Variants in DAB1 observed in about 807,000 individuals in gnomAD.
DAB1 encodes DAB adaptor protein 1, also known as disabled homolog 1.
DAB1 carries 15 observed loss-of-function variants against 64.6 expected under a neutral mutation model. That is an observed-to-expected ratio of 0.23 (90% CI 0.16 to 0.36). The LOEUF (loss-of-function observed/expected upper bound fraction) is 0.36. Among genes scored for constraint, DAB1 ranks in the 10% least tolerant of loss-of-function variants. The probability of loss-of-function intolerance (pLI) is 1.00; values close to 1 mark genes in which losing one functional copy is unlikely to be tolerated. For synonymous variants in DAB1, 235 were observed against 251.9 expected, an observed-to-expected ratio of 0.93 and a Z score of 0.64; for missense variants, 596 against 706.7, an observed-to-expected ratio of 0.84 and a Z score of 1.78.
chr1:58,074,564 G>GTGTGTGTGTATATATATATATATATATA (rs1332531604), intron 5 of DAB1: 4 of 91,632 alleles, frequency 4.4e-5, no homozygotes, highest in South Asian at 3.5e-4. Context: ...ATATATGTGT[G>GTGTGTGTGTATATATATATATATATATA]TATATATATA....
chr1:58,257,979 G>A (rs1461590097), intron 4 of DAB1, among the ~76,000 whole-genome samples: 1 of 152,218 alleles, frequency 6.6e-6, no homozygotes, highest in African/African-American at 2.4e-5. Context: ...CAGGGAAGAT[G>A]AAGACTTGCT....
intron 4 of DAB1, among the ~76,000 whole-genome samples, chr1:58,323,722 G>C (rs1034319899): frequency 6.6e-6 from 1 of 151,976 alleles, no homozygotes; most frequent in Non-Finnish European, 1.5e-5. Flanking sequence ...TCAGGAGATC[G>C]AGACCATCCT....
intron 7 of DAB1, among the ~76,000 whole-genome samples, chr1:57,503,408 A>C (rs903835549): frequency 1.3e-4 from 20 of 152,154 alleles, no homozygotes; most frequent in African/African-American, 4.8e-4. Flanking sequence ...TTGGGACCCT[A>C]AAAATCTCCC....
intron 2 of DAB1, among the ~76,000 whole-genome samples, chr1:57,236,432 C>G (rs1196493318): frequency 2.0e-5 from 3 of 152,028 alleles, no homozygotes; most frequent in Non-Finnish European, 4.4e-5. Context: ...CAACTTGTAG[C>G]AGACATTTAA....
At chr1:58,114,195 G>A (rs2100656747) in intron 5 of DAB1, among the ~76,000 whole-genome samples, 1 of 152,264 alleles carries the variant, frequency 6.6e-6, no homozygotes, top group East Asian at 1.9e-4. Context: ...GGAGGTGGTG[G>A]AGGTTGCAGT....
intron 7 of DAB1, among the ~76,000 whole-genome samples, chr1:57,605,399 T>C (rs1291308070): frequency 6.6e-6 from 1 of 152,132 alleles, no homozygotes; most frequent in African/African-American, 2.4e-5. Flanking sequence ...TTCACATGGC[T>C]ATTTACCCAG....
intron 7 of DAB1, among the ~76,000 whole-genome samples, chr1:57,591,492 C>T (rs1645445268): frequency 6.6e-6 from 1 of 152,184 alleles, no homozygotes; most frequent in African/African-American, 2.4e-5. Flanking sequence ...GGGAAGTTGA[C>T]ATTCTGACTG....
At chr1:57,906,767 T>C (rs1037764446) in intron 5 of DAB1, among the ~76,000 whole-genome samples, 1 of 152,154 alleles carries the variant, frequency 6.6e-6, no homozygotes, top group Non-Finnish European at 1.5e-5. Context: ...TTCCCTAAAC[T>C]TAGAGCCCTG....
intron 4 of DAB1, among the ~76,000 whole-genome samples, chr1:58,249,807 G>A (rs1199424008): frequency 2.6e-5 from 4 of 152,154 alleles, no homozygotes; most frequent in African/African-American, 7.2e-5. Flanking sequence ...CGCTTGGGGG[G>A]TTCCCAGGGG....
intron 7 of DAB1, among the ~76,000 whole-genome samples, chr1:57,567,257 G>C (rs145908514): frequency 1.3e-5 from 2 of 152,092 alleles, no homozygotes; most frequent in Non-Finnish European, 2.9e-5. Flanking sequence ...CAATAAATTA[G>C]GTATTGATGG....
intron 4 of DAB1, among the ~76,000 whole-genome samples, chr1:58,328,550 A>G (rs559100839): frequency 6.6e-6 from 1 of 152,142 alleles, no homozygotes; most frequent in South Asian, 2.1e-4. Flanking sequence ...TTCTGCCCCC[A>G]GGCTGCTCAG....
intron 4 of DAB1, among the ~76,000 whole-genome samples, chr1:57,128,555 C>T (rs1018751731): frequency 6.6e-6 from 1 of 152,070 alleles, no homozygotes; most frequent in Non-Finnish European, 1.5e-5. Flanking sequence ...GTATAACACT[C>T]GGAGCCTAAA....
At chr1:57,789,805 G>A (rs575761709) in intron 6 of DAB1, among the ~76,000 whole-genome samples, 2 of 152,316 alleles carry the variant, frequency 1.3e-5, no homozygotes, top group East Asian at 3.9e-4. Flanking sequence ...CTGTGGTTCA[G>A]AAGTCACAGA....
chr1:57,899,764 C>T (rs1234271251), intron 5 of DAB1, among the ~76,000 whole-genome samples: 4 of 151,966 alleles, frequency 2.6e-5, no homozygotes, highest in Non-Finnish European at 5.9e-5. Flanking sequence ...TTGCACAATG[C>T]ACAGCATTTA....
chr1:57,882,328 C>A (rs1644157525), intron 1 of DAB1, among the ~76,000 whole-genome samples: 2 of 152,146 alleles, frequency 1.3e-5, no homozygotes, highest in Non-Finnish European at 2.9e-5. Flanking sequence ...CAGGGCAGAC[C>A]AATGACAGTA....
At chr1:57,282,785 A>G (rs1672018102) in intron 2 of DAB1, among the ~76,000 whole-genome samples, 1 of 152,192 alleles carries the variant, frequency 6.6e-6, no homozygotes, top group African/African-American at 2.4e-5. Flanking sequence ...CTTTTCTTAT[A>G]ATTAAATCCT....
chr1:58,412,568 C>T (rs1167515784), intron 3 of DAB1, among the ~76,000 whole-genome samples: 1 of 152,166 alleles, frequency 6.6e-6, no homozygotes, highest in Non-Finnish European at 1.5e-5. Flanking sequence ...ATTGCAGTAG[C>T]CAAATGGCAT....
At chr1:57,750,128 C>G (rs1648487473) in intron 6 of DAB1, among the ~76,000 whole-genome samples, 1 of 152,134 alleles carries the variant, frequency 6.6e-6, no homozygotes, top group South Asian at 2.1e-4. Context: ...GCTGGGCCAT[C>G]CTATTTACCT....
At chr1:58,416,502 G>A (rs1165432854) in intron 3 of DAB1, among the ~76,000 whole-genome samples, 2 of 152,146 alleles carry the variant, frequency 1.3e-5, no homozygotes, top group Non-Finnish European at 2.9e-5. Context: ...CAATACAGTA[G>A]CCATTAACTA....
Sources: allele counts gnomAD v4.1 joint callset (sites outside exome capture counted in the v4.1 genomes callset), GRCh38; gene constraint gnomAD v4.1.1; transcripts MANE v1.5; gene names NCBI Gene and HGNC (gene_info 2026-07-23, HGNC 2026-07-21).